NAV2: variants seen among roughly 807,000 people sequenced by gnomAD.
The protein encoded by NAV2 is neuron navigator 2, also known as helicase, APC down-regulated 1.
In NAV2, 54 loss-of-function variants were observed where a neutral mutation model predicts 223.2. The ratio of observed to expected loss-of-function variants is 0.24; its 90% CI spans 0.19 to 0.30. NAV2 has a LOEUF of 0.30. Ranked by LOEUF, NAV2 falls within the 10% of genes least tolerant of loss-of-function variation. The pLI is 1.00. For synonymous variants in NAV2, 1,279 were observed against 1,239.3 expected (o/e 1.03, Z -0.67); for missense variants, 2,806 against 3,147.5 (o/e 0.89, Z 2.60).
At chr11:19,552,516 C>A (rs2044723063) in intron 1 of NAV2, among the ~76,000 whole-genome samples, 4 of 152,120 alleles carry the variant, frequency 2.6e-5, no homozygotes. Flanking sequence ...TTCTCCCATC[C>A]CACCCAGACC....
At chr11:19,728,450 T>A (rs1258548315) in intron 1 of NAV2, among the ~76,000 whole-genome samples, 2 of 152,132 alleles carry the variant, frequency 1.3e-5, no homozygotes, top group Non-Finnish European at 2.9e-5. Context: ...TGGGGTGAGA[T>A]CTGAATTTGA....
intron 1 of NAV2, among the ~76,000 whole-genome samples, chr11:19,596,941 T>A (rs1036727223): frequency 1.3e-5 from 2 of 152,158 alleles, no homozygotes; most frequent in Non-Finnish European, 2.9e-5. Context: ...CACAGAATGT[T>A]TTGGTAGCTA....
intron 10 of NAV2, among the ~76,000 whole-genome samples, chr11:19,962,451 T>A (rs1269008225): frequency 6.6e-6 from 1 of 152,052 alleles, no homozygotes; most frequent in East Asian, 1.9e-4. Flanking sequence ...TGCCATATGA[T>A]CAGTGGGAGT....
Position 19,594,915 on chromosome 11 carries a change from A to G in NAV2, c.76-237569A>G, listed in dbSNP as rs192625750. ...ATCCTCTCTCAAGATGAACGTGATT[A>G]GTAATAACTAACATCTATCAAGCAC... On this transcript the variant is annotated intron_variant, in intron 1 of 37. Transcript: ENST00000360655. Among the ~76,000 whole-genome samples, 466 of 152,350 alleles carry G rather than the reference A, an allele frequency of 3.1e-3. 3 individuals are homozygous for G. The highest frequency in any genetic ancestry group is 3.8e-3 in the Non-Finnish European group (257 of 68,036).
At chr11:19,420,093 T>C (rs1332328782) in intron 1 of NAV2, among the ~76,000 whole-genome samples, 1 of 152,192 alleles carries the variant, frequency 6.6e-6, no homozygotes, top group African/African-American at 2.4e-5. Flanking sequence ...CATTGACCTA[T>C]GGGCGGTTGT....
At chr11:19,804,540 G>A (rs553531611) in intron 1 of NAV2, among the ~76,000 whole-genome samples, 1 of 152,330 alleles carries the variant, frequency 6.6e-6, no homozygotes, top group East Asian at 1.9e-4. Context: ...TGATAACCAG[G>A]ACATTCCATC....
At chr11:20,069,492 G>C (rs1474211412) in intron 22 of NAV2, among the ~76,000 whole-genome samples, 1 of 152,174 alleles carries the variant, frequency 6.6e-6, no homozygotes, top group Non-Finnish European at 1.5e-5. Context: ...TTGCACTTTA[G>C]ATAGAGGATC....
intron 1 of NAV2, among the ~76,000 whole-genome samples, chr11:19,651,937 T>A (rs990303824): frequency 1.3e-5 from 2 of 152,110 alleles, no homozygotes; most frequent in African/African-American, 4.8e-5. Context: ...GATATGCTTT[T>A]TCTTTAAACC....
chr11:19,596,351 G>T (rs1253294682), intron 1 of NAV2, among the ~76,000 whole-genome samples: 2 of 152,170 alleles, frequency 1.3e-5, no homozygotes, highest in Non-Finnish European at 1.5e-5. Context: ...TCCTCCCTGG[G>T]GATGGGCACC....
Position 19,858,832 on chromosome 11 carries a change from T to C in NAV2, c.439-10093T>C, listed in dbSNP as rs181634526. ...TACTAGTGTCACATAATTTAACAAG[T>C]CTCAGAGTGTCTCACACTTCAAAAT... is the stretch of plus-strand genomic sequence containing the variant. On this transcript the variant is annotated intron_variant, in intron 3 of 37. Coordinates refer to ENST00000349880, the MANE Select transcript of NAV2 (RefSeq NM_145117.5). 4.3e-4 allele frequency among the ~76,000 whole-genome samples: 65 copies of C among 152,282 alleles called. No homozygotes were observed. The East Asian group carries it at 0.011, about 26-fold the overall frequency.
chr11:19,554,401 G>A (rs2044797324), intron 1 of NAV2, among the ~76,000 whole-genome samples: 1 of 152,158 alleles, frequency 6.6e-6, no homozygotes, highest in Admixed American at 6.5e-5. Flanking sequence ...TTAGAGAGCA[G>A]GAAGTGTCTA....
At chr11:19,580,925 A>T (rs2045697052) in intron 1 of NAV2, among the ~76,000 whole-genome samples, 1 of 152,210 alleles carries the variant, frequency 6.6e-6, no homozygotes, top group South Asian at 2.1e-4. Context: ...TACTTATAGG[A>T]TACTCATCCT....
chr11:19,626,575 G>T (rs1412157895), intron 1 of NAV2, among the ~76,000 whole-genome samples: 2 of 152,138 alleles, frequency 1.3e-5, no homozygotes, highest in Non-Finnish European at 2.9e-5. Context: ...AATGTCATTG[G>T]TATTTTGATA....
At chr11:19,664,898 A>T (rs1332524694) in intron 1 of NAV2, among the ~76,000 whole-genome samples, 1 of 152,198 alleles carries the variant, frequency 6.6e-6, no homozygotes, top group Admixed American at 6.5e-5. Flanking sequence ...GCAGGGTGTG[A>T]GAGAGAGGTT....
At chr11:20,071,117 C>A (rs534734823) in intron 22 of NAV2, among the ~76,000 whole-genome samples, 1 of 147,008 alleles carries the variant, frequency 6.8e-6, no homozygotes, top group Non-Finnish European at 1.5e-5. Context: ...CCCCCCACCC[C>A]CCGACAGGCC....
chr11:20,019,369 C>A (rs776969385), intron 11 of NAV2, among the ~76,000 whole-genome samples: 11 of 152,130 alleles, frequency 7.2e-5, no homozygotes, highest in Non-Finnish European at 1.6e-4. Flanking sequence ...GAGTCATATT[C>A]TGAGATACAG....
intron 11 of NAV2, among the ~76,000 whole-genome samples, chr11:20,019,140 G>A (rs955004207): frequency 1.3e-5 from 2 of 152,202 alleles, no homozygotes; most frequent in East Asian, 3.8e-4. Context: ...CCCCTGGGGT[G>A]TGCAGGATGG....
chr11:19,745,726 C>T (rs1161820206), intron 1 of NAV2, among the ~76,000 whole-genome samples: 1 of 152,136 alleles, frequency 6.6e-6, no homozygotes, highest in Non-Finnish European at 1.5e-5. Context: ...GAGTGTGCAA[C>T]CTAGATCCCT....
chr11:19,634,499 A>G (rs2047435494), intron 1 of NAV2, among the ~76,000 whole-genome samples: 1 of 152,186 alleles, frequency 6.6e-6, no homozygotes, highest in Non-Finnish European at 1.5e-5. Flanking sequence ...AGTTTTTTTT[A>G]ATTGTGTAAA....
Sources: allele counts gnomAD v4.1 joint callset (sites outside exome capture counted in the v4.1 genomes callset), GRCh38; gene constraint gnomAD v4.1.1; transcripts MANE v1.5; gene names NCBI Gene and HGNC (gene_info 2026-07-23, HGNC 2026-07-21).